Variants in ATP8B4 observed in about 807,000 individuals in gnomAD.
ATP8B4 encodes the protein ATPase phospholipid transporting 8B4 (putative).
In ATP8B4, 133 loss-of-function variants were observed where a neutral mutation model predicts 145.6. The ratio of observed to expected loss-of-function variants is 0.91; its 90% CI spans 0.79 to 1.05. ATP8B4 has a LOEUF of 1.05. Among genes scored for constraint, ATP8B4 ranks in the 50% least tolerant of loss-of-function variants. ATP8B4 has a pLI of 0.00. For synonymous variants in ATP8B4, 507 were observed against 492.9 expected (o/e 1.03, Z -0.38); for missense variants, 1,458 against 1,425.2 (o/e 1.02, Z -0.37).
intron 23 of ATP8B4, among the ~76,000 whole-genome samples, chr15:49,882,077 T>C (rs1443008201): frequency 2.6e-5 from 4 of 152,196 alleles, no homozygotes; most frequent in Non-Finnish European, 4.4e-5. Flanking sequence ...GAGGCTGCCT[T>C]TGGGTCCCAG....
At chr15:49,972,976 G>C (rs549828812) in intron 12 of ATP8B4, among the ~76,000 whole-genome samples, 186 bp from the exon 13 acceptor site, 3 of 152,140 alleles carry the variant, frequency 2.0e-5, no homozygotes, top group Non-Finnish European at 4.4e-5. Flanking sequence ...ACATTTCCAA[G>C]TCATTTTCTA....
At chr15:50,032,802 C>T (rs1599930095) in intron 6 of ATP8B4, among the ~76,000 whole-genome samples, 1 of 151,752 alleles carries the variant, frequency 6.6e-6, no homozygotes, top group East Asian at 1.9e-4. Flanking sequence ...GAAATCTTGG[C>T]ATAGAAAAAA....
At chr15:50,050,127 A>G (rs2052061892) in intron 3 of ATP8B4, among the ~76,000 whole-genome samples, 1 of 152,136 alleles carries the variant, frequency 6.6e-6, no homozygotes, top group African/African-American at 2.4e-5. Flanking sequence ...ACCATTCTCT[A>G]TGATTTATTT....
At chr15:50,041,564 C>G (rs1369104725) in intron 5 of ATP8B4, among the ~76,000 whole-genome samples, 2 of 152,158 alleles carry the variant, frequency 1.3e-5, no homozygotes, top group Non-Finnish European at 1.5e-5. Context: ...GGCAACCTCA[C>G]AGGAATCAGT....
At chr15:49,897,981 A>G in intron 22 of ATP8B4, 87 bp downstream of exon 22, 1 of 1,408,120 alleles carries the variant, frequency 7.1e-7, no homozygotes, top group South Asian at 1.3e-5. Context: ...TTAAATTTTA[A>G]TGCAATCTAG....
intron 2 of ATP8B4, among the ~76,000 whole-genome samples, chr15:50,105,907 T>C (rs898674996): frequency 3.8e-5 from 5 of 131,758 alleles, no homozygotes; most frequent in Non-Finnish European, 6.4e-5. Context: ...ATTAAGATTG[T>C]ATATAAATAA....
intron 1 of ATP8B4, among the ~76,000 whole-genome samples, chr15:50,159,190 T>C (rs2044478546): frequency 6.6e-6 from 1 of 152,268 alleles, no homozygotes; most frequent in Non-Finnish European, 1.5e-5. Context: ...ATCAATGTTT[T>C]ATAGTTTTCA....
At chr15:50,083,781 T>C (rs957070139) in intron 2 of ATP8B4, among the ~76,000 whole-genome samples, 5 of 152,174 alleles carry the variant, frequency 3.3e-5, no homozygotes, top group African/African-American at 1.2e-4. Flanking sequence ...TGGCAATTAA[T>C]TTACTAGAGC....
intron 6 of ATP8B4, among the ~76,000 whole-genome samples, chr15:50,014,867 T>G (rs2048973565): frequency 6.6e-6 from 1 of 152,320 alleles, no homozygotes; most frequent in East Asian, 1.9e-4. Flanking sequence ...TTTTGCAGTA[T>G]CTATCAAAAG....
At chr15:50,002,421 C>T (rs1231448056) in intron 7 of ATP8B4, among the ~76,000 whole-genome samples, 198 bp from the exon 8 acceptor site, 2 of 152,060 alleles carry the variant, frequency 1.3e-5, no homozygotes, top group African/African-American at 4.8e-5. Flanking sequence ...TTTATATGCC[C>T]CTTGACTATC....
chr15:49,892,626 T>C (rs2036954592), intron 23 of ATP8B4, among the ~76,000 whole-genome samples: 1 of 152,224 alleles, frequency 6.6e-6, no homozygotes, highest in African/African-American at 2.4e-5. Context: ...CATTCCACAA[T>C]GTCCCAAAGT....
At position 50,106,949 on chromosome 15, in the gene ATP8B4, C is replaced by T. The variant is rs2056713388; in HGVS notation, c.18G>A (p.Lys6=). Residue 6 remains lysine (K), a synonymous_variant, in exon 2 of 28, where the codon AAG becomes AAA. Transcript: ENST00000284509. ...GAACTCAAAACTTACCACGCAATTT[C>T]TTTTCACTGCAGAACATTATTATAC... MFCSE[K]KLREVERIVK... The T allele has an allele frequency of 3.8e-6, 6 of 1,597,702 alleles. No homozygotes were observed. Among genetic ancestry groups the T allele is most frequent in the Non-Finnish European group, 5.1e-6 (6 of 1,173,734 alleles).
chr15:50,155,044 C>A (rs2044393971), intron 1 of ATP8B4, among the ~76,000 whole-genome samples: 2 of 151,998 alleles, frequency 1.3e-5, no homozygotes, highest in Admixed American at 6.6e-5. Flanking sequence ...TACTTTTAAC[C>A]ATTATGCATA....
intron 4 of ATP8B4, 82 bp downstream of exon 4, chr15:50,047,269 G>A (rs2051796817): frequency 1.2e-6 from 1 of 832,736 alleles, no homozygotes; most frequent in Non-Finnish European, 2.0e-6. Context: ...CGAACATTTA[G>A]CTAAGTAAAT....
rs1009826672 is a variant in ATP8B4, at chr15:49,960,872, C to G, written c.1287+1105G>C. ...CAGAGGCCGGGCGCAGTGGCTCACGCCTGTAATCCCAGCACTTTGGGAGGC... is the reference window on the plus strand; with the variant it reads ...CAGAGGCCGGGCGCAGTGGCTCACGGCTGTAATCCCAGCACTTTGGGAGGC... On this transcript the variant is annotated intron_variant, in intron 14 of 27. Transcript: ENST00000284509. 3.3e-5 allele frequency among the ~76,000 whole-genome samples: 5 copies of G among 152,300 alleles called. No homozygotes were observed. The South Asian group carries it at 1.0e-3, about 32-fold the overall frequency.
intron 1 of ATP8B4, among the ~76,000 whole-genome samples, chr15:50,113,890 C>G (rs1345373453): frequency 7.1e-6 from 1 of 141,564 alleles, no homozygotes. Flanking sequence ...TGGCTTGCAA[C>G]TACAGGTATA....
At chr15:50,044,442 C>A in intron 5 of ATP8B4, 152 bp downstream of exon 5, 1 of 482,164 alleles carries the variant, frequency 2.1e-6, no homozygotes. Flanking sequence ...TTTACAGCAC[C>A]TGTATTAATC....
chr15:49,983,970 T>C (rs1439675727), intron 10 of ATP8B4, among the ~76,000 whole-genome samples: 3 of 152,254 alleles, frequency 2.0e-5, no homozygotes, highest in Non-Finnish European at 4.4e-5. Flanking sequence ...GGTACTGCAT[T>C]TGTTTTTGTT....
chr15:50,072,122 C>G (rs923806141), intron 3 of ATP8B4, among the ~76,000 whole-genome samples: 7 of 151,930 alleles, frequency 4.6e-5, no homozygotes, highest in African/African-American at 1.5e-4. Context: ...TGGGAAAGAT[C>G]TGCCAATAGG....
Sources: gnomAD v4.1 joint callset for allele counts (sites outside exome capture counted in the v4.1 genomes callset) on GRCh38, gnomAD v4.1.1 for gene constraint, MANE v1.5 for transcripts, NCBI Gene and HGNC (gene_info 2026-07-23, HGNC 2026-07-21) for gene names.